The following RAB43 variants were observed in gnomAD, a reference collection of about 807,000 sequenced individuals.
The protein encoded by RAB43 is ras-related protein Rab-43.
Under a neutral mutation model 18.8 loss-of-function variants are expected in RAB43, and 6 were observed. The observed-to-expected ratio is 0.32, with a 90% CI of 0.17 to 0.63. The LOEUF (loss-of-function observed/expected upper bound fraction) is 0.63. Ranked by LOEUF, RAB43 falls within the 30% of genes least tolerant of loss-of-function variation. The pLI is 0.79. For synonymous variants in RAB43, 103 were observed against 124.1 expected (o/e 0.83, Z 1.13); for missense variants, 195 against 289.1 (o/e 0.67, Z 2.36).
At chr3:129,121,085 C>A (rs1317148911) in intron 1 of RAB43, among the ~76,000 whole-genome samples, 2 of 98,284 alleles carry the variant, frequency 2.0e-5, no homozygotes, top group Non-Finnish European at 4.2e-5. Flanking sequence ...CCCCCCCCAG[C>A]AACCCACGGC....
At chr3:129,091,493 A>G in intron 2 of RAB43, 147 bp from the exon 3 acceptor site, 1 of 1,164,292 alleles carries the variant, frequency 8.6e-7, no homozygotes, top group South Asian at 1.7e-5. Context: ...TTTCTTTAAA[A>G]AACCTTTTTT....
intron 1 of RAB43, among the ~76,000 whole-genome samples, chr3:129,102,945 T>C (rs112809903): frequency 4.6e-5 from 7 of 152,292 alleles, no homozygotes; most frequent in African/African-American, 1.4e-4. Flanking sequence ...TTACCATCTA[T>C]TGGAGAGGCC....
intron 1 of RAB43, among the ~76,000 whole-genome samples, chr3:129,113,680 T>C (rs917056186): frequency 1.3e-5 from 2 of 152,172 alleles, no homozygotes; most frequent in African/African-American, 4.8e-5. Context: ...GGTATCTGGA[T>C]AGGAGCTATT....
chr3:129,121,007 G>A (rs1425276508), intron 1 of RAB43, among the ~76,000 whole-genome samples: 2 of 151,626 alleles, frequency 1.3e-5, no homozygotes, highest in Non-Finnish European at 2.9e-5. Context: ...TTATTTTGGA[G>A]CACAGTCCCC....
intron 1 of RAB43, among the ~76,000 whole-genome samples, chr3:129,103,726 G>A (rs1039918728): frequency 3.9e-5 from 6 of 152,062 alleles, no homozygotes; most frequent in Non-Finnish European, 7.4e-5. Flanking sequence ...CACCACGCCC[G>A]GCTAATTCTT....
Position 129,109,718 on chromosome 3 carries a change from G to A in RAB43, c.204+11568C>T, listed in dbSNP as rs144582617. Among the ~76,000 whole-genome samples, 1,484 of 151,242 alleles carry A rather than the reference G, an allele frequency of 9.8e-3. 22 individuals carry two copies. Among genetic ancestry groups the A allele is most frequent in the African/African-American group, 0.033 (1,383 of 41,324 alleles). ...GATCGCACCACTGCACTCCAGCCCA[G>A]GCGACAGTGAGAGACTCCATCTAAA... On this transcript the variant is annotated intron_variant, in intron 1 of 2. Transcript: ENST00000315150.
chr3:129,102,757 A>T (rs1194110060), intron 1 of RAB43, among the ~76,000 whole-genome samples: 5 of 152,180 alleles, frequency 3.3e-5, no homozygotes. Context: ...GAGGAGGCGG[A>T]AGCCAAGCCA....
chr3:129,112,532 C>G (rs544002178), intron 1 of RAB43, among the ~76,000 whole-genome samples: 108 of 152,258 alleles, frequency 7.1e-4, no homozygotes, highest in Admixed American at 2.2e-3. Flanking sequence ...ACTCCCAGCC[C>G]TCATGCTGTT....
chr3:129,116,802 G>C (rs1935561626), intron 1 of RAB43, among the ~76,000 whole-genome samples: 1 of 152,206 alleles, frequency 6.6e-6, no homozygotes, highest in South Asian at 2.1e-4. Context: ...CTCTGCGCTG[G>C]ACTTGAGGCC....
rs1223937913 is a variant in RAB43, at chr3:129,088,085, G to T, written c.*3011C>A. 1.3e-4 allele frequency: 20 copies of T among 152,210 alleles called. 1 individual carries two copies. The highest frequency in any genetic ancestry group is 4.6e-4 in the Admixed American group (7 of 15,288). The allele number at this position is 152,210 out of a possible 1,614,324, so 9.4% of individuals were successfully genotyped here. On this transcript the variant is annotated 3_prime_UTR_variant, in exon 3 of 3. Transcript: ENST00000315150. ...GCCGGGAGAGCTTAGCCTGCCAAGG[G>T]GAGGAAACAAGCCGGCTTTGTTTTG...
intron 1 of RAB43, among the ~76,000 whole-genome samples, chr3:129,104,114 T>C (rs907203835): frequency 1.3e-5 from 2 of 152,054 alleles, no homozygotes; most frequent in African/African-American, 4.8e-5. Context: ...TGGAGGAGAG[T>C]ACTGAGGACC....
At chr3:129,105,533 C>T (rs1934716027) in intron 1 of RAB43, among the ~76,000 whole-genome samples, 1 of 148,442 alleles carries the variant, frequency 6.7e-6, no homozygotes, top group South Asian at 2.2e-4. Flanking sequence ...GTAATCCCAG[C>T]ACTTTGGGAG....
Position 129,107,569 on chromosome 3 carries a change from C to T in RAB43, c.205-12400G>A, listed in dbSNP as rs929225987. On this transcript the variant is annotated intron_variant, in intron 1 of 2. Transcript: ENST00000315150. The surrounding 1 kb of genome is among the most constrained non-coding windows in gnomAD (Gnocchi z 4.2). ...GCGTGCAGGAGCTCGCGGTGGGCAC[C>T]GCTCAGCTGGGGGGCCCATCAGGAA... Among the ~76,000 whole-genome samples the T allele has an allele frequency of 6.6e-6, 1 of 152,116 alleles. No homozygotes were observed.
chr3:129,107,937 C>A lies in RAB43; in HGVS notation c.205-12768G>T, dbSNP rs1934893746. Reference sequence around the variant, plus strand: ...GAGCAAACCCTCCTCCCCGGGCTCCCAGGCACAGCTGGCTGTTTCGCTGCC... The same window carrying A: ...GAGCAAACCCTCCTCCCCGGGCTCCAAGGCACAGCTGGCTGTTTCGCTGCC... On this transcript the variant is annotated intron_variant, in intron 1 of 2. Coordinates refer to ENST00000315150, the MANE Select transcript of RAB43 (RefSeq NM_198490.3). The surrounding 1 kb of genome is among the most constrained non-coding windows in gnomAD (Gnocchi z 4.2). 6.6e-6 allele frequency among the ~76,000 whole-genome samples: 1 copy of A among 152,238 alleles called. No homozygotes were observed. The highest frequency in any genetic ancestry group is 1.5e-5 in the Non-Finnish European group (1 of 68,038).
rs79880812 is a variant in RAB43, at chr3:129,118,064, G to T, written c.204+3222C>A. Among the ~76,000 whole-genome samples the T allele has an allele frequency of 5.2e-3, 790 of 152,350 alleles. 8 individuals carry two copies. Among genetic ancestry groups the T allele is most frequent in the African/African-American group, 0.016 (676 of 41,572 alleles). On this transcript the variant is annotated intron_variant, in intron 1 of 2. Coordinates refer to ENST00000315150, the MANE Select transcript of RAB43 (RefSeq NM_198490.3). ...CAGGCAAGGCCTCTCTGAAGATGTG[G>T]CATTTGCGTTGGGACCTGAATGATG... is the stretch of plus-strand genomic sequence containing the variant.
intron 2 of RAB43, 72 bp from the exon 3 acceptor site, chr3:129,091,418 G>A (rs577172723): frequency 9.9e-6 from 15 of 1,513,058 alleles, no homozygotes; most frequent in South Asian, 4.9e-5. Flanking sequence ...GGAGGGTCAC[G>A]CTGACAGCCC....
At position 129,121,464 on chromosome 3, in the gene RAB43, C is replaced by A; in HGVS notation, c.26G>T (p.Gly9Val). MAGPGPGP[G>V]DPDEQYDFLF... is the part of the protein sequence containing the mutation. ...GAAATCGTACTGCTCGTCCGGGTCC[C>A]CCGGGCCTGGGCCCGGCCCTGCCAT... The change falls in exon 1 of 3, where the codon GGG becomes GTG. Residue 9 changes from glycine (G) to valine (V), a missense_variant. Transcript: ENST00000315150. 6.2e-7 allele frequency: 1 copy of A among 1,612,348 alleles called. No homozygotes were observed. The highest frequency in any genetic ancestry group is 1.1e-5 in the South Asian group (1 of 90,840).
intron 1 of RAB43, among the ~76,000 whole-genome samples, chr3:129,098,965 C>T (rs1419674678): frequency 1.3e-5 from 2 of 151,916 alleles, no homozygotes; most frequent in African/African-American, 4.8e-5. Context: ...CCCAACTACT[C>T]GGGAGGCTGA....
intron 1 of RAB43, among the ~76,000 whole-genome samples, chr3:129,103,303 C>T (rs1334708986): frequency 6.6e-6 from 1 of 152,226 alleles, no homozygotes; most frequent in Non-Finnish European, 1.5e-5. Context: ...ACACAAACGG[C>T]CTCAGGCCTG....
Sources: allele counts gnomAD v4.1 joint callset (sites outside exome capture counted in the v4.1 genomes callset), GRCh38; gene constraint gnomAD v4.1.1; non-coding constraint Gnocchi (gnomAD v3.1); transcripts MANE v1.5; gene names NCBI Gene and HGNC (gene_info 2026-07-23, HGNC 2026-07-21).